PRELID2: variants seen among roughly 807,000 people sequenced by gnomAD.
PRELID2 encodes the protein PRELI domain-containing protein 2.
Under a neutral mutation model 28.4 loss-of-function variants are expected in PRELID2, and 25 were observed. The observed-to-expected ratio is 0.88, with a 90% CI of 0.64 to 1.23. The LOEUF (loss-of-function observed/expected upper bound fraction) is 1.23. PRELID2 is among the 50% of genes most tolerant of loss of function. The probability of loss-of-function intolerance (pLI) is 0.00; values close to 1 mark genes in which losing one functional copy is unlikely to be tolerated. For synonymous variants in PRELID2, 76 were observed against 71.6 expected, an observed-to-expected ratio of 1.06 and a Z score of -0.31; for missense variants, 201 against 214.4, an observed-to-expected ratio of 0.94 and a Z score of 0.39.
the PRELID2 span, among the ~76,000 whole-genome samples, chr5:145,453,671 G>A: frequency 6.6e-6 from 1 of 152,036 alleles, no homozygotes; most frequent in African/African-American, 2.4e-5. Flanking sequence ...GTGCCCATAT[G>A]TTCACATTGT....
In PRELID2 at chr5:145,486,109, A is replaced by G. The variant is rs79366250; in HGVS notation, n.71-12794T>C. Among the ~76,000 whole-genome samples the G allele has an allele frequency of 4.9e-3, 745 of 152,328 alleles. 9 individuals carry two copies. Among genetic ancestry groups the G allele is most frequent in the African/African-American group, 0.016 (680 of 41,580 alleles). On this transcript the variant is annotated intron_variant and non_coding_transcript_variant, in intron 1 of 2. Coordinates refer to the PRELID2 transcript ENST00000510259. ...AGAAATTAGTTTAGGAGCCTATTAA[A>G]GCACTGTGCCAAAAAGCCAATGACT...
intron 1 of PRELID2, among the ~76,000 whole-genome samples, chr5:145,693,126 C>T (rs1297675856): frequency 1.3e-5 from 2 of 151,054 alleles, no homozygotes; most frequent in African/African-American, 2.4e-5. Context: ...AACTTTGTTC[C>T]TAGGGAAAAA....
At chr5:145,267,924 A>C in the PRELID2 span, among the ~76,000 whole-genome samples, 16 of 152,280 alleles carry the variant, frequency 1.1e-4, no homozygotes, top group African/African-American at 3.6e-4. Context: ...GCACATTTTA[A>C]TATAACTGTT....
At chr5:145,234,630 T>A in the PRELID2 span, among the ~76,000 whole-genome samples, 264 of 152,284 alleles carry the variant, frequency 1.7e-3, 1 homozygote, top group African/African-American at 6.2e-3. Context: ...TTCCTTGGTC[T>A]ACAAGACAAG....
chr5:145,631,584 T>A (rs1753933356), intron 1 of PRELID2, among the ~76,000 whole-genome samples: 1 of 152,270 alleles, frequency 6.6e-6, no homozygotes. Flanking sequence ...GTAAACACCA[T>A]GAGTTCAAGG....
the PRELID2 span, among the ~76,000 whole-genome samples, chr5:145,378,521 T>C: frequency 1.4e-4 from 21 of 152,198 alleles, no homozygotes; most frequent in Non-Finnish European, 2.5e-4. Context: ...CTGACTGTCT[T>C]ATTTCAGAAA....
chr5:145,793,151 G>A (rs1411673219), intron 5 of PRELID2, among the ~76,000 whole-genome samples: 1 of 152,044 alleles, frequency 6.6e-6, no homozygotes, highest in Non-Finnish European at 1.5e-5. Context: ...CAAATTCCAA[G>A]TTACCTCCCT....
chr5:145,653,187 C>T (rs1754330206), intron 1 of PRELID2, among the ~76,000 whole-genome samples: 1 of 152,288 alleles, frequency 6.6e-6, no homozygotes, highest in African/African-American at 2.4e-5. Flanking sequence ...ATCAATTCAA[C>T]AAGAAGAGCT....
chr5:145,355,560 A>G, the PRELID2 span, among the ~76,000 whole-genome samples: 1 of 152,148 alleles, frequency 6.6e-6, no homozygotes, highest in Admixed American at 6.5e-5. Flanking sequence ...TGTGAAGACA[A>G]AGGCAGCAAA....
intron 1 of PRELID2, among the ~76,000 whole-genome samples, chr5:145,572,061 T>A (rs1278555425): frequency 1.3e-5 from 2 of 152,106 alleles, no homozygotes; most frequent in African/African-American, 4.8e-5. Context: ...GGAGACTTTA[T>A]CTGTATAATA....
At chr5:145,515,626 T>C (rs13163326) in intron 1 of PRELID2, among the ~76,000 whole-genome samples, 32,536 of 152,210 alleles carry the variant, frequency 0.21, 3,985 homozygotes, top group South Asian at 0.37. Flanking sequence ...GAGGTGATTC[T>C]TCCTAACTCA....
the PRELID2 span, among the ~76,000 whole-genome samples, chr5:145,458,452 G>T: frequency 6.6e-6 from 1 of 152,066 alleles, no homozygotes; most frequent in East Asian, 1.9e-4. Context: ...TTCCAATTTC[G>T]TTATAATACT....
chr5:145,736,905 C>T (rs1348979343), intron 1 of PRELID2, among the ~76,000 whole-genome samples: 1 of 152,148 alleles, frequency 6.6e-6, no homozygotes, highest in East Asian at 1.9e-4. Flanking sequence ...ATTCATCTAA[C>T]AGATGATCAA....
intron 5 of PRELID2, among the ~76,000 whole-genome samples, chr5:145,791,004 C>A (rs1183362818): frequency 6.6e-6 from 1 of 151,444 alleles, no homozygotes; most frequent in Non-Finnish European, 1.5e-5. Flanking sequence ...CAGAAGCAAC[C>A]CAACAATCCA....
chr5:145,419,390 T>G, the PRELID2 span, among the ~76,000 whole-genome samples: 1 of 127,208 alleles, frequency 7.9e-6, no homozygotes, highest in Non-Finnish European at 1.7e-5. Context: ...CTCCAGCACC[T>G]GTTGTTTCCT....
intron 1 of PRELID2, among the ~76,000 whole-genome samples, chr5:145,551,933 C>T (rs978302562): frequency 2.0e-5 from 3 of 152,118 alleles, no homozygotes; most frequent in African/African-American, 7.2e-5. Flanking sequence ...GCAATACATA[C>T]CCCAACCTCA....
chr5:145,817,047 C>T, intron 4 of PRELID2, among the ~76,000 whole-genome samples: 1 of 150,934 alleles, frequency 6.6e-6, no homozygotes, highest in Non-Finnish European at 1.5e-5. Context: ...CTGAAACCTT[C>T]ATCTCCTGAG....
intron 1 of PRELID2, among the ~76,000 whole-genome samples, chr5:145,548,276 A>C (rs944077539): frequency 2.6e-5 from 4 of 152,166 alleles, no homozygotes; most frequent in Non-Finnish European, 5.9e-5. Context: ...AATATTGAGG[A>C]ATACAAATAT....
intron 1 of PRELID2, among the ~76,000 whole-genome samples, chr5:145,648,375 T>C (rs534254477): frequency 3.9e-5 from 6 of 152,046 alleles, no homozygotes; most frequent in African/African-American, 1.4e-4. Flanking sequence ...GGTCCATGCC[T>C]ATAAGACAAA....
Sources: allele counts gnomAD v4.1 joint callset (sites outside exome capture counted in the v4.1 genomes callset), GRCh38; gene constraint gnomAD v4.1.1; transcripts MANE v1.5; gene names NCBI Gene and HGNC (gene_info 2026-07-23, HGNC 2026-07-21).